The following SLC35D2 variants were observed in gnomAD, a reference collection of about 807,000 sequenced individuals.
The protein encoded by SLC35D2 is nucleotide sugar transporter SLC35D2.
In SLC35D2, 43 loss-of-function variants were observed where a neutral mutation model predicts 41.8. The observed-to-expected ratio is 1.03, with a 90% CI of 0.81 to 1.33. The LOEUF is 1.33. SLC35D2 is among the 40% of genes most tolerant of loss of function. The probability of loss-of-function intolerance (pLI) is 0.00; values close to 1 mark genes in which losing one functional copy is unlikely to be tolerated. For missense variants in SLC35D2, 380 were observed against 408.4 expected (o/e 0.93, Z 0.60); for synonymous variants, 150 against 163.9 (o/e 0.92, Z 0.65).
intron 1 of SLC35D2, among the ~76,000 whole-genome samples, chr9:96,374,273 G>A (rs1229028336): frequency 1.3e-5 from 2 of 152,090 alleles, no homozygotes; most frequent in South Asian, 2.1e-4. Flanking sequence ...GCTCACGCAC[G>A]GCCTGTAATC....
chr9:96,327,623 TC>T (rs1253093858), intron 9 of SLC35D2, among the ~76,000 whole-genome samples: 2 of 151,418 alleles, frequency 1.3e-5, no homozygotes, highest in East Asian at 3.9e-4. Flanking sequence ...TTTTTCTTTT[TC>T]TTTTTTTTTT....
At chr9:96,328,438 A>T (rs771406206) in intron 9 of SLC35D2, among the ~76,000 whole-genome samples, 24 of 152,124 alleles carry the variant, frequency 1.6e-4, no homozygotes, top group Non-Finnish European at 2.6e-4. Context: ...TGAAGTCATG[A>T]TATTATCTGT....
chr9:96,382,496 C>CACTCTATATATATATATA (rs200897475), intron 1 of SLC35D2, among the ~76,000 whole-genome samples: 13 of 127,930 alleles, frequency 1.0e-4, no homozygotes, highest in African/African-American at 3.8e-4. Flanking sequence ...CACACACACA[C>CACTCTATATATATATATA]TATATATATA....
Position 96,336,736 on chromosome 9 carries a change from G to C in SLC35D2, c.733C>G (p.Leu245Val). ...WKNVVFILQF[L>V]LSCFLGFLLM... ...TCTTACCCCAAAAAACAGGAAAGAAGAAACTGTAGGATAAACACAACATTC... is the reference window on the plus strand; with the variant it reads ...TCTTACCCCAAAAAACAGGAAAGAACAAACTGTAGGATAAACACAACATTC... The change falls in exon 9 of 12, where the codon CTT becomes GTT. Residue 245 changes from leucine to valine, a missense_variant. Leu to Val is a conservative substitution (Grantham distance 32). Coordinates refer to ENST00000253270, the MANE Select transcript of SLC35D2 (RefSeq NM_007001.3). 2 of 1,586,530 alleles carry C rather than the reference G, an allele frequency of 1.3e-6. No homozygotes were observed. The highest frequency in any genetic ancestry group is 1.7e-6 in the Non-Finnish European group (2 of 1,160,516).
intron 3 of SLC35D2, among the ~76,000 whole-genome samples, chr9:96,360,650 A>AAAAG (rs1830232459): frequency 2.3e-5 from 3 of 132,744 alleles, no homozygotes; most frequent in African/African-American, 8.9e-5. Context: ...AAAAAAAAAA[A>AAAAG]AAAAGAAAAG....
In SLC35D2 at chr9:96,321,240, C is replaced by CT. The variant is rs1828208299; in HGVS notation, c.*1dup. The CT allele has an allele frequency of 1.2e-6, 2 of 1,609,646 alleles. No homozygotes were observed. Among genetic ancestry groups the CT allele is most frequent in the Admixed American group, 1.7e-5 (1 of 59,978 alleles). ...TCAGTCTCCAATCCTGCTGCAGACTCTTTAGCTCTTCAAATCCAAACAGAT... is the reference window on the plus strand; with the variant it reads ...TCAGTCTCCAATCCTGCTGCAGACTCTTTTAGCTCTTCAAATCCAAACAGAT... On this transcript the variant is annotated 3_prime_UTR_variant, in exon 12 of 12. Coordinates refer to ENST00000253270, the MANE Select transcript of SLC35D2 (RefSeq NM_007001.3).
intron 6 of SLC35D2, among the ~76,000 whole-genome samples, chr9:96,350,384 G>C (rs934158701): frequency 1.9e-5 from 2 of 103,746 alleles, no homozygotes; most frequent in African/African-American, 8.2e-5. Context: ...TGTAGAAATA[G>C]GTTCTCACAA....
intron 8 of SLC35D2, among the ~76,000 whole-genome samples, chr9:96,337,787 G>C (rs1179372625): frequency 6.6e-6 from 1 of 151,522 alleles, no homozygotes; most frequent in African/African-American, 2.4e-5. Context: ...TTTGAGACCA[G>C]CCTGGCCAAC....
intron 10 of SLC35D2, among the ~76,000 whole-genome samples, chr9:96,322,416 C>T (rs1828281609): frequency 6.6e-6 from 1 of 152,120 alleles, no homozygotes; most frequent in Non-Finnish European, 1.5e-5. Flanking sequence ...AGCTACTCCA[C>T]ACGGACTGAA....
At chr9:96,360,124 C>T (rs752295372) in intron 4 of SLC35D2, 30 bp downstream of exon 4, 4 of 1,576,608 alleles carry the variant, frequency 2.5e-6, no homozygotes, top group South Asian at 1.1e-5. Flanking sequence ...AGGTGAGGAA[C>T]TTTCCACCAG....
rs539314069 is a variant in SLC35D2, at chr9:96,358,671, G to C, written c.347+1483C>G. On this transcript the variant is annotated intron_variant, in intron 4 of 11. Coordinates refer to ENST00000253270, the MANE Select transcript of SLC35D2 (RefSeq NM_007001.3). The stretch of plus-strand genomic sequence containing the variant: ...AGCTTTTATCCTGCTTTTCCTATAT[G>C]AAGTGGTGAAAATTTGTTCTTATCG... Among the ~76,000 whole-genome samples, 27 of 152,254 alleles carry C rather than the reference G, an allele frequency of 1.8e-4. No homozygotes were observed. In the East Asian group the frequency reaches 2.1e-3, roughly 12 times the overall value.
At chr9:96,347,224 A>T (rs150602348) in intron 6 of SLC35D2, among the ~76,000 whole-genome samples, 38 of 152,272 alleles carry the variant, frequency 2.5e-4, no homozygotes, top group Middle Eastern at 6.8e-3. Flanking sequence ...GCCCCCTGAG[A>T]CAGCAGAGCC....
intron 1 of SLC35D2, among the ~76,000 whole-genome samples, chr9:96,380,466 T>TC (rs1831151184): frequency 6.6e-6 from 1 of 151,618 alleles, no homozygotes; most frequent in East Asian, 1.9e-4. Context: ...ATTTTTTCTT[T>TC]TTTTTTTTTG....
At chr9:96,356,766 T>C (rs1190227707) in intron 4 of SLC35D2, among the ~76,000 whole-genome samples, 2 of 149,808 alleles carry the variant, frequency 1.3e-5, no homozygotes, top group Admixed American at 6.6e-5. Context: ...TCCCAGCTAC[T>C]TGGGAGGCTG....
chr9:96,383,233 T>C (rs1257665365), intron 1 of SLC35D2, among the ~76,000 whole-genome samples: 1 of 152,202 alleles, frequency 6.6e-6, no homozygotes, highest in Admixed American at 6.5e-5. Context: ...CCAGCCCACC[T>C]AGGACAGGGC....
chr9:96,376,903 C>T (rs1477572293), intron 1 of SLC35D2, among the ~76,000 whole-genome samples: 1 of 151,462 alleles, frequency 6.6e-6, no homozygotes, highest in Non-Finnish European at 1.5e-5. Context: ...AGCCACTGCG[C>T]CCGGCCATGG....
intron 2 of SLC35D2, 97 bp downstream of exon 2, chr9:96,368,175 T>C: frequency 1.1e-6 from 1 of 894,314 alleles, no homozygotes; most frequent in Non-Finnish European, 1.7e-6. Context: ...GCCAGCTGAA[T>C]AAATTTGCAA....
intron 9 of SLC35D2, among the ~76,000 whole-genome samples, chr9:96,328,858 G>T (rs1828672135): frequency 6.6e-6 from 1 of 151,966 alleles, no homozygotes; most frequent in African/African-American, 2.4e-5. Flanking sequence ...ACCATCTCTA[G>T]GAAGAACTCA....
chr9:96,377,675 C>G (rs1831014405), intron 1 of SLC35D2, among the ~76,000 whole-genome samples: 1 of 152,200 alleles, frequency 6.6e-6, no homozygotes, highest in Non-Finnish European at 1.5e-5. Context: ...TGGCAGCAGT[C>G]ATGGGAAGCA....
Sources: gnomAD v4.1 joint callset for allele counts (sites outside exome capture counted in the v4.1 genomes callset) on GRCh38, gnomAD v4.1.1 for gene constraint, MANE v1.5 for transcripts, NCBI Gene and HGNC (gene_info 2026-07-23, HGNC 2026-07-21) for gene names.